TMEM132C: variants seen among roughly 807,000 people sequenced by gnomAD.
TMEM132C encodes the protein protein phosphatase 1, regulatory subunit 152.
A neutral mutation model predicts 61.4 loss-of-function variants in TMEM132C; 29 were observed. That is an observed-to-expected ratio of 0.47 (90% confidence interval 0.35 to 0.64). The LOEUF is 0.64. Among genes scored for constraint, TMEM132C ranks in the 30% least tolerant of loss-of-function variants. The pLI is 0.00. For missense variants in TMEM132C, 1,408 were observed against 1,476.9 expected (o/e 0.95, Z 0.76); for synonymous variants, 656 against 633.1 (o/e 1.04, Z -0.54).
intron 1 of TMEM132C, among the ~76,000 whole-genome samples, chr12:128,302,336 T>G (rs1871624856): frequency 1.3e-5 from 2 of 152,194 alleles, no homozygotes; most frequent in Admixed American, 1.3e-4. Flanking sequence ...AAATCAAATA[T>G]GGGTAAATAT....
At position 128,669,444 on chromosome 12, in the gene TMEM132C, C is replaced by T. The variant is rs1376106875; in HGVS notation, c.1333C>T (p.Leu445Phe). The change falls in exon 5 of 9, where the codon CTC becomes TTC. Residue 445 changes from leucine (L) to phenylalanine (F), a missense_variant. Transcript: ENST00000435159. ...MDTEILNTAVLTGKTVAMPIK... is the reference protein window; with the variant it reads ...MDTEILNTAVFTGKTVAMPIK... ...CACTGAAATTCTGAACACCGCCGTA[C>T]TCACAGGAAAGACAGTTGCCATGCC... The T allele has an allele frequency of 1.3e-6, 2 of 1,551,650 alleles. No homozygotes were observed. The highest frequency in any genetic ancestry group is 1.7e-6 in the Non-Finnish European group (2 of 1,146,966).
At chr12:128,270,983 G>C (rs998811872) in intron 1 of TMEM132C, among the ~76,000 whole-genome samples, 1 of 151,888 alleles carries the variant, frequency 6.6e-6, no homozygotes, top group Admixed American at 6.6e-5. Context: ...GGTCAGGCAC[G>C]GTGGCTCACA....
In TMEM132C at chr12:128,696,036, C is replaced by A. The variant is rs1954760344; in HGVS notation, c.1862C>A (p.Pro621His). The A allele has an allele frequency of 6.4e-7, 1 of 1,551,628 alleles. No homozygotes were observed. Among genetic ancestry groups the A allele is most frequent in the South Asian group, 1.2e-5 (1 of 84,070 alleles). Residue 621 changes from proline (P) to histidine (H), a missense_variant, in exon 7 of 9, where the codon CCT (proline) becomes CAT (histidine). Transcript: ENST00000435159. ...GCAGACTTCATGAAGCTGGAGGAAC[C>A]TCACGTGGCCACCCTCCAGGACAGC... ...LVADFMKLEE[P>H]HVATLQDSRV...
chr12:128,704,611 G>A (rs1284506524), intron 8 of TMEM132C, among the ~76,000 whole-genome samples: 1 of 152,194 alleles, frequency 6.6e-6, no homozygotes, highest in African/African-American at 2.4e-5. Flanking sequence ...TGATGTCATT[G>A]GTTCTGACAG....
chr12:128,268,112 G>A (rs908315515), intron 1 of TMEM132C, among the ~76,000 whole-genome samples: 1 of 152,188 alleles, frequency 6.6e-6, no homozygotes, highest in African/African-American at 2.4e-5. Context: ...TGAGTCCTTT[G>A]CGGTGGGGGA....
intron 5 of TMEM132C, among the ~76,000 whole-genome samples, chr12:128,686,603 CACA>C (rs1338369922): frequency 1.3e-5 from 2 of 152,114 alleles, no homozygotes; most frequent in South Asian, 2.1e-4. Context: ...TGTTGAAAAA[CACA>C]ACAACACTGT....
intron 2 of TMEM132C, among the ~76,000 whole-genome samples, chr12:128,444,118 C>G (rs906456077): frequency 1.3e-5 from 2 of 152,136 alleles, no homozygotes; most frequent in Non-Finnish European, 2.9e-5. Context: ...TAGGCCTTTG[C>G]TGTGTTGCCC....
chr12:128,456,526 C>T (rs1207741840), intron 2 of TMEM132C, among the ~76,000 whole-genome samples: 1 of 150,582 alleles, frequency 6.6e-6, no homozygotes, highest in Non-Finnish European at 1.5e-5. Context: ...CCCAGCTCAG[C>T]CTCCCAAGTA....
At chr12:128,305,911 C>A (rs76677640) in intron 1 of TMEM132C, among the ~76,000 whole-genome samples, 306 of 152,230 alleles carry the variant, frequency 2.0e-3, no homozygotes, top group African/African-American at 6.9e-3. Context: ...TTTACAATTA[C>A]AAATGGATTC....
At position 128,693,934 on chromosome 12, in the gene TMEM132C, G is replaced by A. The variant is rs1167812090; in HGVS notation, c.1555G>A (p.Val519Ile). 5.2e-6 allele frequency: 8 copies of A among 1,551,774 alleles called. No homozygotes were observed. The highest frequency in any genetic ancestry group is 1.2e-5 in the South Asian group (1 of 84,070). Residue 519 changes from valine (V) to isoleucine (I), a missense_variant, in exon 6 of 9, where the codon GTC (valine) becomes ATC (isoleucine). By Grantham distance (29) the Val-to-Ile change is conservative (BLOSUM62 3). Transcript: ENST00000435159. The part of the protein sequence containing the change: ...TYQYLSAPLC[V>I]TVWVPRLPLQ... The stretch of plus-strand genomic sequence containing the variant: ...CCAGTACCTGAGCGCCCCCCTGTGT[G>A]TCACCGTGTGGGTGCCCCGGCTGCC...
At chr12:128,304,248 C>T (rs1808113044) in intron 1 of TMEM132C, among the ~76,000 whole-genome samples, 1 of 139,756 alleles carries the variant, frequency 7.2e-6, no homozygotes, top group Non-Finnish European at 1.6e-5. Context: ...CTTCCCTACA[C>T]ATTCAAAAAT....
At chr12:128,390,239 G>A (rs1874719936) in intron 1 of TMEM132C, among the ~76,000 whole-genome samples, 1 of 152,188 alleles carries the variant, frequency 6.6e-6, no homozygotes, top group South Asian at 2.1e-4. Context: ...ATTAAGAATT[G>A]ATTACCTTAT....
At chr12:128,452,354 C>G (rs1215319597) in intron 2 of TMEM132C, among the ~76,000 whole-genome samples, 1 of 151,822 alleles carries the variant, frequency 6.6e-6, no homozygotes. Context: ...CCCACCTCGG[C>G]CTCCCAAAAT....
At chr12:128,534,404 T>C (rs1261057280) in intron 2 of TMEM132C, among the ~76,000 whole-genome samples, 2 of 152,288 alleles carry the variant, frequency 1.3e-5, no homozygotes, top group East Asian at 3.9e-4. Context: ...TGCTCCATGC[T>C]ACATGGGAAA....
At chr12:128,286,057 C>T (rs866270650) in intron 1 of TMEM132C, among the ~76,000 whole-genome samples, 1 of 144,832 alleles carries the variant, frequency 6.9e-6, no homozygotes, top group South Asian at 2.3e-4. Flanking sequence ...ATCCCTCTCT[C>T]CCTTCCTCTC....
At chr12:128,622,996 A>T (rs1953982110) in intron 4 of TMEM132C, among the ~76,000 whole-genome samples, 1 of 152,112 alleles carries the variant, frequency 6.6e-6, no homozygotes, top group Non-Finnish European at 1.5e-5. Context: ...CACAGCTGGA[A>T]ATTTGCTTTG....
At position 128,324,755 on chromosome 12, in the gene TMEM132C, G is replaced by A. The variant is rs184695088; in HGVS notation, c.85+57268G>A. ...TTGCAGCTATATTCCCAGAGCCCAG[G>A]AGGTTGAGGCTGCAGTGAACCATGA... On this transcript the variant is annotated intron_variant, in intron 1 of 8. Coordinates refer to ENST00000435159, the MANE Select transcript of TMEM132C (RefSeq NM_001136103.3). 2.6e-5 allele frequency among the ~76,000 whole-genome samples: 4 copies of A among 152,232 alleles called. No individual in the cohort carries two copies. The East Asian group carries it at 7.7e-4, about 29-fold the overall frequency.
chr12:128,477,285 G>A (rs904087864), intron 2 of TMEM132C, among the ~76,000 whole-genome samples: 4 of 152,070 alleles, frequency 2.6e-5, no homozygotes, highest in Non-Finnish European at 5.9e-5. Flanking sequence ...CTTCATCCTG[G>A]GCCACCAAGC....
chr12:128,490,140 A>G (rs1252691496), intron 2 of TMEM132C, among the ~76,000 whole-genome samples: 1 of 152,174 alleles, frequency 6.6e-6, no homozygotes, highest in African/African-American at 2.4e-5. Flanking sequence ...TGGGGGAAGG[A>G]GGCCCTTATG....
Sources: gnomAD v4.1 joint callset for allele counts (sites outside exome capture counted in the v4.1 genomes callset) on GRCh38, gnomAD v4.1.1 for gene constraint, MANE v1.5 for transcripts, NCBI Gene and HGNC (gene_info 2026-07-23, HGNC 2026-07-21) for gene names.